The following FGFR2 variants were observed in gnomAD, a reference collection of about 807,000 sequenced individuals.
The protein encoded by FGFR2 is BEK fibroblast growth factor receptor.
FGFR2 carries 19 observed loss-of-function variants against 95.9 expected under a neutral mutation model. The ratio of observed to expected loss-of-function variants is 0.20; its 90% confidence interval spans 0.14 to 0.29. The LOEUF (loss-of-function observed/expected upper bound fraction) is 0.29. Ranked by LOEUF, FGFR2 falls within the 10% of genes least tolerant of loss-of-function variation. FGFR2 has a pLI of 1.00. For missense variants in FGFR2, 707 were observed against 1,056.9 expected (o/e 0.67, Z 4.59); for synonymous variants, 392 against 393.3 (o/e 1.00, Z 0.04).
chr10:121,498,943 A>G (rs538588645), intron 11 of FGFR2, among the ~76,000 whole-genome samples: 2 of 152,230 alleles, frequency 1.3e-5, no homozygotes, highest in South Asian at 2.1e-4. Context: ...ACCAAACTTC[A>G]TGGTGCCTGA....
intron 4 of FGFR2, among the ~76,000 whole-genome samples, chr10:121,552,402 A>C (rs1248205484): frequency 6.6e-6 from 1 of 152,230 alleles, no homozygotes; most frequent in East Asian, 1.9e-4. Context: ...ATGTCAACAC[A>C]TTAATCTTCA....
chr10:121,519,069 G>C (rs2134293427), intron 7 of FGFR2, among the ~76,000 whole-genome samples: 1 of 152,352 alleles, frequency 6.6e-6, no homozygotes, highest in East Asian at 1.9e-4. Flanking sequence ...TGGGTCCCCA[G>C]GTTGGTCATC....
At chr10:121,524,140 A>ACCCCC (rs1241424540) in intron 6 of FGFR2, among the ~76,000 whole-genome samples, 7 of 136,226 alleles carry the variant, frequency 5.1e-5, no homozygotes, top group African/African-American at 1.6e-4. Context: ...ACACACACAC[A>ACCCCC]CACACACCCC....
At chr10:121,503,666 A>G in intron 10 of FGFR2, 124 bp downstream of exon 10, 1 of 1,035,888 alleles carries the variant, frequency 9.7e-7, no homozygotes, top group Non-Finnish European at 1.5e-6. Flanking sequence ...ATACAATCTT[A>G]CTCCTGCTGA....
At chr10:121,491,778 G>C (rs1846162725) in intron 13 of FGFR2, among the ~76,000 whole-genome samples, 1 of 151,666 alleles carries the variant, frequency 6.6e-6, no homozygotes, top group Admixed American at 6.6e-5. Flanking sequence ...GCTGAGGCAG[G>C]AGAATCGCTA....
chr10:121,520,335 A>T (rs1433497808), intron 6 of FGFR2, among the ~76,000 whole-genome samples, 166 bp from the exon 7 acceptor site: 1 of 152,222 alleles, frequency 6.6e-6, no homozygotes, highest in Non-Finnish European at 1.5e-5. Flanking sequence ...AACAGAAACG[A>T]CTTCAAAGGA....
intron 6 of FGFR2, among the ~76,000 whole-genome samples, chr10:121,528,897 A>G (rs1156276485): frequency 6.6e-6 from 1 of 152,082 alleles, no homozygotes; most frequent in Non-Finnish European, 1.5e-5. Flanking sequence ...CACATACAGA[A>G]TGGTTTTGTT....
intron 9 of FGFR2, among the ~76,000 whole-genome samples, chr10:121,514,268 A>C (rs1025445665): frequency 6.6e-6 from 1 of 152,212 alleles, no homozygotes; most frequent in Non-Finnish European, 1.5e-5. Flanking sequence ...CTGCATCTAC[A>C]TCTGCCTTCC....
chr10:121,493,570 C>A (rs920513825), intron 13 of FGFR2, among the ~76,000 whole-genome samples: 1 of 152,214 alleles, frequency 6.6e-6, no homozygotes, highest in Non-Finnish European at 1.5e-5. Context: ...GCCTGCTCGG[C>A]CTCCGCTGCT....
rs67778522 is a variant in FGFR2, at chr10:121,509,482, C to CTTTTTTTTTTT, written c.1288-5552_1288-5542dup. ...AGAAACAGTGTTATCTGTTTCTTTTCTTTTTTTTTTTTTTTTTTTTTTTTT... is the reference window on the plus strand; with the variant it reads ...AGAAACAGTGTTATCTGTTTCTTTTCTTTTTTTTTTTTTTTTTTTTTTTTTTTTTTTTTTTT... On this transcript the variant is annotated intron_variant, in intron 9 of 17. Coordinates refer to ENST00000358487, the MANE Select transcript of FGFR2 (RefSeq NM_000141.5). Among the ~76,000 whole-genome samples, 167 of 45,336 alleles carry CTTTTTTTTTTT rather than the reference C, an allele frequency of 3.7e-3. 1 individual carries two copies. The highest frequency in any genetic ancestry group is 6.6e-3 in the African/African-American group (76 of 11,556). The allele number at this position is 45,336 out of a possible 152,430, so 29.7% of individuals were successfully genotyped here. A position where few individuals can be genotyped will look rare whatever the true frequency, so the allele number is the denominator to read the frequency against.
At chr10:121,548,563 AT>A (rs985092627) in intron 5 of FGFR2, among the ~76,000 whole-genome samples, 2 of 152,050 alleles carry the variant, frequency 1.3e-5, no homozygotes. Context: ...CATATTTGTA[AT>A]CACTAATTCA....
chr10:121,513,017 G>C (rs991819380), intron 9 of FGFR2, among the ~76,000 whole-genome samples: 5 of 152,060 alleles, frequency 3.3e-5, no homozygotes, highest in African/African-American at 7.2e-5. Context: ...CTACAGGCAT[G>C]CACCACCACA....
intron 11 of FGFR2, among the ~76,000 whole-genome samples, 183 bp downstream of exon 11, chr10:121,500,643 A>T (rs528391053): frequency 2.6e-5 from 4 of 152,350 alleles, no homozygotes; most frequent in Admixed American, 2.6e-4. Flanking sequence ...CTTTATAAGT[A>T]CACACAGCTC....
rs3135775 is a variant in FGFR2 at position 121,503,423 on chromosome 10, A to G, written c.1439+367T>C. 6.1e-3 allele frequency among the ~76,000 whole-genome samples: 926 copies of G among 152,364 alleles called. 7 individuals are homozygous for G. Among genetic ancestry groups the G allele is most frequent in the African/African-American group, 0.021 (863 of 41,598 alleles). On this transcript the variant is annotated intron_variant, in intron 10 of 17. Coordinates refer to ENST00000358487, the MANE Select transcript of FGFR2 (RefSeq NM_000141.5). ...ATCTAATTTCTCCACAGAAGTGAAC[A>G]GAGAACAGTCTTGTTCTAGTAACCA...
intron 2 of FGFR2, among the ~76,000 whole-genome samples, chr10:121,580,316 G>T (rs1157838937): frequency 6.6e-6 from 1 of 152,138 alleles, no homozygotes; most frequent in African/African-American, 2.4e-5. Context: ...CTCCTTCAGA[G>T]TCTGCAGATG....
chr10:121,539,404 T>C (rs948073724), intron 5 of FGFR2, among the ~76,000 whole-genome samples: 11 of 152,322 alleles, frequency 7.2e-5, no homozygotes, highest in Admixed American at 4.6e-4. Context: ...CACAAACTTC[T>C]TGAGACTTTT....
intron 9 of FGFR2, among the ~76,000 whole-genome samples, chr10:121,510,439 T>C (rs1488320306): frequency 6.6e-6 from 1 of 152,190 alleles, no homozygotes; most frequent in African/African-American, 2.4e-5. Context: ...AGTTAAGTCA[T>C]CCGTGACCAC....
chr10:121,541,536 C>T (rs997956426), intron 5 of FGFR2, among the ~76,000 whole-genome samples: 2 of 152,076 alleles, frequency 1.3e-5, no homozygotes, highest in African/African-American at 2.4e-5. Context: ...ATATATACAA[C>T]GCGTGTTTCT....
intron 15 of FGFR2, among the ~76,000 whole-genome samples, chr10:121,486,670 G>A (rs1464587129): frequency 6.6e-6 from 1 of 152,204 alleles, no homozygotes; most frequent in African/African-American, 2.4e-5. Context: ...TTGATCTCCT[G>A]ACCTCGTGAT....
Sources: gnomAD v4.1 joint callset for allele counts (sites outside exome capture counted in the v4.1 genomes callset) on GRCh38, gnomAD v4.1.1 for gene constraint, MANE v1.5 for transcripts, NCBI Gene and HGNC (gene_info 2026-07-23, HGNC 2026-07-21) for gene names.